The following ENGASE variants were observed in gnomAD, a reference collection of about 807,000 sequenced individuals.
The protein encoded by ENGASE is endo-beta-N-acetylglucosaminidase.
A neutral mutation model predicts 78.5 loss-of-function variants in ENGASE; 69 were observed. The ratio of observed to expected loss-of-function variants is 0.88; its 90% CI spans 0.72 to 1.07. ENGASE has a LOEUF of 1.07. Among genes scored for constraint, ENGASE ranks in the 50% least tolerant of loss-of-function variants. The pLI is 0.00. For missense variants in ENGASE, 943 were observed against 988.4 expected (o/e 0.95, Z 0.62); for synonymous variants, 408 against 408.9 (o/e 1.00, Z 0.03).
chr17:79,082,239 C>A (rs1224814422), intron 7 of ENGASE, 176 bp downstream of exon 7: 2 of 1,541,226 alleles, frequency 1.3e-6, no homozygotes, highest in Admixed American at 2.0e-5. Flanking sequence ...AAGCTATGTC[C>A]CCACTGAAAC....
rs769075960 is a variant in ENGASE, at chr17:79,087,413, C to T, written c.*1064C>T. 2 of 226,116 alleles carry T rather than the reference C, an allele frequency of 8.8e-6. No individual in the cohort carries two copies. The highest frequency in any genetic ancestry group is 2.3e-5 in the African/African-American group (1 of 44,366). The allele number at this position is 226,116 out of a possible 1,614,324, so 14.0% of individuals were successfully genotyped here. On this transcript the variant is annotated 3_prime_UTR_variant, in exon 14 of 14. Coordinates refer to ENST00000579016, the MANE Select transcript of ENGASE (RefSeq NM_001042573.3). Reference sequence around the variant, plus strand: ...CAGGGTCTTCACCACAGGCGCCTTCCTCTGTCCTTCCTGCTCTTTCTTCTC... The same window carrying T: ...CAGGGTCTTCACCACAGGCGCCTTCTTCTGTCCTTCCTGCTCTTTCTTCTC...
At position 79,081,982 on chromosome 17, in the gene ENGASE, G is replaced by A; in HGVS notation, c.957G>A (p.Gly319=). ...TGGAGCGGATGCTGGGGCAGGCTGG[G>A]GAGCGCCGGGCTGATGTGTACGTGG... The part of the protein sequence containing the change: ...EHLERMLGQA[G]ERRADVYVGV... The change falls in exon 7 of 14, where the codon GGG becomes GGA. Residue 319 remains glycine (G), a synonymous_variant. Coordinates refer to ENST00000579016, the MANE Select transcript of ENGASE (RefSeq NM_001042573.3). 1 of 1,614,240 alleles carries A rather than the reference G, an allele frequency of 6.2e-7. No individual in the cohort carries two copies.
chr17:79,084,454 A>T, intron 10 of ENGASE, 84 bp from the exon 11 acceptor site: 1 of 1,361,798 alleles, frequency 7.3e-7, no homozygotes, highest in South Asian at 1.6e-5. Context: ...TCCTGGAGGG[A>T]GGGGCTGGTG....
rs1183994024 is a variant in ENGASE, at chr17:79,086,093, G to GT, written c.1978dup (p.Cys660LeufsTer12). 6.2e-7 allele frequency: 1 copy of GT among 1,613,538 alleles called. No individual in the cohort carries two copies. The highest frequency in any genetic ancestry group is 8.5e-7 in the Non-Finnish European group (1 of 1,180,044). ...TGGTCCTTCCTCCTCTCACAAGTCC[G>GT]TTGCTTCCGAATCCACTGCTGGGGA... On this transcript the variant is annotated frameshift_variant, in exon 14 of 14. Transcript: ENST00000579016. LOFTEE classifies it low-confidence loss of function (END_TRUNC).
chr17:79,076,153 G>C (rs2072963416), intron 1 of ENGASE, among the ~76,000 whole-genome samples: 1 of 152,230 alleles, frequency 6.6e-6, no homozygotes, highest in Non-Finnish European at 1.5e-5. Context: ...AGTGATGGCA[G>C]ATGACAACTC....
Position 79,087,120 on chromosome 17 carries a change from C to T in ENGASE, c.*771C>T, listed in dbSNP as rs879668997. 8.0e-5 allele frequency: 36 copies of T among 449,690 alleles called. No individual in the cohort carries two copies. The highest frequency in any genetic ancestry group is 1.5e-4 in the Non-Finnish European group (34 of 221,556). The allele number at this position is 449,690 out of a possible 1,614,324, so 27.9% of individuals were successfully genotyped here. ...GCTCTGAGGCAGTCTGCGCTGTGGC[C>T]CTGCCTCTGCCCAGCGAGAGGCCGT... is the stretch of plus-strand genomic sequence containing the variant. On this transcript the variant is annotated 3_prime_UTR_variant, in exon 14 of 14. Transcript: ENST00000579016.
Position 79,082,244 on chromosome 17 carries a change from T to A in ENGASE, c.1038+181T>A, listed in dbSNP as rs151057576. On this transcript the variant is annotated intron_variant, in intron 7 of 13. Transcript: ENST00000579016. ...TGCCCCGGCCAAGCTATGTCCCCAC[T>A]GAAACCCCTTTCCCGGCTATTTCTA... The A allele has an allele frequency of 6.4e-5, 99 of 1,539,904 alleles. 1 individual carries two copies. The African/African-American group carries it at 1.1e-3, about 17-fold the overall frequency.
In ENGASE at chr17:79,086,055, C is replaced by G. The variant is rs1221851797; in HGVS notation, c.1938C>G (p.Ser646Arg). ...REGPPALLQL[S>R]CTLHWSFLLS... ...GGCCCCCTGCTCTGCTCCAGCTCAGCTGCACCCTGCACTGGTCCTTCCTCC... is the reference window on the plus strand; with the variant it reads ...GGCCCCCTGCTCTGCTCCAGCTCAGGTGCACCCTGCACTGGTCCTTCCTCC... The change falls in exon 14 of 14, where the codon AGC (serine) becomes AGG (arginine). Residue 646 changes from serine to arginine, a missense_variant. Coordinates refer to ENST00000579016, the MANE Select transcript of ENGASE (RefSeq NM_001042573.3). The G allele has an allele frequency of 6.2e-7, 1 of 1,613,286 alleles. No individual in the cohort carries two copies. The highest frequency in any genetic ancestry group is 1.3e-5 in the African/African-American group (1 of 74,964).
chr17:79,080,359 CTGAG>C lies in ENGASE; in HGVS notation c.721_723+1del. 5 of 1,613,032 alleles carry C rather than the reference CTGAG, an allele frequency of 3.1e-6. No individual in the cohort carries two copies. Among genetic ancestry groups the C allele is most frequent in the Middle Eastern group, 1.7e-4 (1 of 6,028 alleles). ...CTGGCTGATCAACATCGAGAACTCG[CTGAG>C]TGTGAGTGCCCAGCCCTCACCCACC... On this transcript the variant is annotated frameshift_variant and splice_region_variant, in exon 5 of 14. Coordinates refer to ENST00000579016, the MANE Select transcript of ENGASE (RefSeq NM_001042573.3). LOFTEE classifies it high-confidence loss of function.
rs2073318076 is a variant in ENGASE, at chr17:79,086,549, C to T, written c.*200C>T. 1.1e-5 allele frequency: 7 copies of T among 639,936 alleles called. No homozygotes were observed. The highest frequency in any genetic ancestry group is 6.1e-5 in the South Asian group (3 of 48,892). The allele number at this position is 639,936 out of a possible 1,614,324, so 39.6% of individuals were successfully genotyped here. On this transcript the variant is annotated 3_prime_UTR_variant, in exon 14 of 14. Transcript: ENST00000579016. ...GAAACAGGAAACCAAGCAGTGGGATCGCAGCGTTGGTCACTGCGAGGCGAG... is the reference window on the plus strand; with the variant it reads ...GAAACAGGAAACCAAGCAGTGGGATTGCAGCGTTGGTCACTGCGAGGCGAG...
intron 6 of ENGASE, among the ~76,000 whole-genome samples, chr17:79,081,588 C>T (rs962384170): frequency 4.6e-5 from 7 of 152,040 alleles, no homozygotes; most frequent in South Asian, 2.1e-4. Context: ...CTGGGCTGCT[C>T]GCTGCCCCTG....
At chr17:79,079,889 G>A (rs1166393745) in intron 4 of ENGASE, among the ~76,000 whole-genome samples, 1 of 152,262 alleles carries the variant, frequency 6.6e-6, no homozygotes, top group Non-Finnish European at 1.5e-5. Flanking sequence ...AATAGGCAGG[G>A]CCGTGTTCCA....
Position 79,085,265 on chromosome 17 carries a change from C to T in ENGASE, c.1623C>T (p.Pro541=). 1.2e-6 allele frequency: 2 copies of T among 1,613,586 alleles called. No homozygotes were observed. Among genetic ancestry groups the T allele is most frequent in the Non-Finnish European group, 1.7e-6 (2 of 1,179,984 alleles). Reference sequence around the variant, plus strand: ...CAAGCTCAAGACACAGCCTCCGACCCCTCCGGGTGCCCCCCACCAAGCTGG... The same window carrying T: ...CAAGCTCAAGACACAGCCTCCGACCTCTCCGGGTGCCCCCCACCAAGCTGG... The part of the protein sequence containing the change: ...AETSSRHSLR[P]LRVPPTKLAR... Residue 541 remains proline (P), a synonymous_variant, in exon 12 of 14, where the codon CCC becomes CCT. Transcript: ENST00000579016.
At position 79,086,072 on chromosome 17, in the gene ENGASE, CCTT is replaced by C. The variant is rs781113862; in HGVS notation, c.1957_1959del (p.Phe653del). The C allele has an allele frequency of 1.7e-4, 282 of 1,613,440 alleles. No homozygotes were observed. The highest frequency in any genetic ancestry group is 2.3e-4 in the Non-Finnish European group (272 of 1,180,042). ...CAGCTCAGCTGCACCCTGCACTGGT[CCTT>C]CCTCCTCTCACAAGTCCGTTGCTTC... On this transcript the variant is annotated inframe_deletion, in exon 14 of 14. Coordinates refer to ENST00000579016, the MANE Select transcript of ENGASE (RefSeq NM_001042573.3).
intron 3 of ENGASE, among the ~76,000 whole-genome samples, chr17:79,078,659 G>A (rs969805610): frequency 2.6e-5 from 4 of 152,208 alleles, no homozygotes; most frequent in Non-Finnish European, 5.9e-5. Context: ...TGGAGTCCGC[G>A]CGGCGCTTTT....
At chr17:79,079,097 G>A (rs929004340) in intron 3 of ENGASE, among the ~76,000 whole-genome samples, 3 of 152,312 alleles carry the variant, frequency 2.0e-5, no homozygotes, top group Admixed American at 2.0e-4. Context: ...TGGAACTAAA[G>A]AGAAACCTTT....
chr17:79,075,487 T>A (rs2072947203), intron 1 of ENGASE, among the ~76,000 whole-genome samples: 1 of 152,216 alleles, frequency 6.6e-6, no homozygotes, highest in Non-Finnish European at 1.5e-5. Flanking sequence ...GGTGGCCTTC[T>A]GTAGGGGTGA....
chr17:79,081,818 A>G (rs2073146882), intron 6 of ENGASE, 80 bp from the exon 7 acceptor site: 1 of 1,510,992 alleles, frequency 6.6e-7, no homozygotes, highest in African/African-American at 1.4e-5. Context: ...AGGAGGGGAA[A>G]GGCTGAGACT....
chr17:79,077,473 A>C lies in ENGASE; in HGVS notation c.190A>C (p.Ser64Arg). 1 of 1,570,572 alleles carries C rather than the reference A, an allele frequency of 6.4e-7. No homozygotes were observed. The highest frequency in any genetic ancestry group is 2.2e-5 in the East Asian group (1 of 44,692). Residue 64 changes from serine to arginine, a missense_variant, in exon 2 of 14, where the codon AGT (serine) becomes CGT (arginine). Transcript: ENST00000579016. ...EEETVFREVV[S>R]FSPDPLPVRY... ...AGAGACAGTCTTTCGAGAGGTGGTC[A>C]GTTTTTCCCCGGACCCCCTGCCAGG... is the stretch of plus-strand genomic sequence containing the variant.
Sources: allele counts gnomAD v4.1 joint callset (sites outside exome capture counted in the v4.1 genomes callset), GRCh38; gene constraint gnomAD v4.1.1; transcripts MANE v1.5; gene names NCBI Gene and HGNC (gene_info 2026-07-23, HGNC 2026-07-21).